Variants in RBM46 observed in about 807,000 individuals in gnomAD.
RBM46 encodes RNA binding motif protein 46, also known as probable RNA-binding protein 46.
In RBM46, 12 loss-of-function variants were observed where a neutral mutation model predicts 43.3. That is an observed-to-expected ratio of 0.28 (90% CI 0.18 to 0.45). The LOEUF (loss-of-function observed/expected upper bound fraction) is 0.45. RBM46 is among the 20% of genes least tolerant of loss of function. The pLI is 1.00. For synonymous variants in RBM46, 205 were observed against 207.6 expected, an observed-to-expected ratio of 0.99 and a Z score of 0.11; for missense variants, 412 against 639.1, an observed-to-expected ratio of 0.64 and a Z score of 3.83.
intron 1 of RBM46, among the ~76,000 whole-genome samples, chr4:154,783,810 A>G (rs2057472696): frequency 6.6e-6 from 1 of 152,212 alleles, no homozygotes; most frequent in Non-Finnish European, 1.5e-5. Context: ...ATGTGCTCTC[A>G]TTCTTTAATA....
chr4:154,783,789 C>G (rs1218743341), intron 1 of RBM46, among the ~76,000 whole-genome samples: 2 of 152,128 alleles, frequency 1.3e-5, no homozygotes, highest in African/African-American at 2.4e-5. Flanking sequence ...TATTTAACTT[C>G]TAGCAATAAA....
rs1320468641 is a variant in RBM46, at chr4:154,819,377, C to T, written c.1403-8491C>T. ...CCTAGCTTCATTTGTCTCTTGGCAC[C>T]TTCTGTTAATTCCCAAGAGGGAGCT... On this transcript the variant is annotated intron_variant, in intron 4 of 4. Transcript: ENST00000281722. 2.0e-5 allele frequency among the ~76,000 whole-genome samples: 3 copies of T among 152,050 alleles called. No homozygotes were observed. The South Asian group carries it at 6.2e-4, about 32-fold the overall frequency.
At chr4:154,826,266 C>T (rs113567871) in intron 4 of RBM46, among the ~76,000 whole-genome samples, 41 of 151,600 alleles carry the variant, frequency 2.7e-4, no homozygotes, top group African/African-American at 9.7e-4. Flanking sequence ...AAGACCAGCC[C>T]GGCCAACATG....
intron 4 of RBM46, among the ~76,000 whole-genome samples, chr4:154,825,483 C>T (rs763130964): frequency 5.3e-5 from 8 of 152,074 alleles, no homozygotes; most frequent in Non-Finnish European, 7.4e-5. Context: ...TTTTGAAATG[C>T]TTGTAAAATC....
intron 4 of RBM46, among the ~76,000 whole-genome samples, chr4:154,817,481 C>T (rs1158706026): frequency 1.3e-5 from 2 of 151,514 alleles, no homozygotes; most frequent in East Asian, 1.9e-4. Flanking sequence ...TACAGGTGCG[C>T]ACACCACACC....
At position 154,828,308 on chromosome 4, in the gene RBM46, CTTT is replaced by C. The variant is rs1431260547; in HGVS notation, c.*244_*246del. The C allele has an allele frequency of 2.5e-6, 1 of 399,184 alleles. No homozygotes were observed. Among genetic ancestry groups the C allele is most frequent in the East Asian group, 4.6e-5 (1 of 21,604 alleles). 24.7% of individuals were successfully genotyped at this position (399,184 alleles called of 1,614,324 possible). On this transcript the variant is annotated 3_prime_UTR_variant, in exon 5 of 5. Coordinates refer to ENST00000281722, the MANE Select transcript of RBM46 (RefSeq NM_144979.5). Reference sequence around the variant, plus strand: ...GATAAAGGTACAGCAAACTACTATTCTTTTTAAACTTCTAGGATTTTCTTCTAC... The same window carrying C: ...GATAAAGGTACAGCAAACTACTATTCTTAAACTTCTAGGATTTTCTTCTAC...
chr4:154,790,727 A>G (rs1734044634), intron 1 of RBM46, among the ~76,000 whole-genome samples: 2 of 152,332 alleles, frequency 1.3e-5, no homozygotes, highest in South Asian at 2.1e-4. Context: ...TTGGACAGAT[A>G]GCTCTTAAGT....
At chr4:154,819,897 A>G (rs980091825) in intron 4 of RBM46, among the ~76,000 whole-genome samples, 1 of 152,076 alleles carries the variant, frequency 6.6e-6, no homozygotes, top group African/African-American at 2.4e-5. Context: ...TAAGTTTAGT[A>G]TTATTTTGGC....
chr4:154,786,338 C>CT (rs1245736907), intron 1 of RBM46, among the ~76,000 whole-genome samples: 1 of 152,028 alleles, frequency 6.6e-6, no homozygotes. Context: ...ATCCACCTGC[C>CT]TCATTCTCCC....
chr4:154,825,311 A>G (rs62327567), intron 4 of RBM46, among the ~76,000 whole-genome samples: 24,770 of 152,130 alleles, frequency 0.16, 2,606 homozygotes, highest in East Asian at 0.44. Context: ...ATATGTTACA[A>G]TAGATCTGAG....
Position 154,797,921 on chromosome 4 carries a change from T to C in RBM46, c.262T>C (p.Tyr88His). ...VPVFERAGKIYEFRLMMEFSG... is the reference protein window; with the variant it reads ...VPVFERAGKIHEFRLMMEFSG... ...TGTATTTGAAAGAGCTGGGAAGATATATGAATTTCGACTTATGATGGAATT... is the reference window on the plus strand; with the variant it reads ...TGTATTTGAAAGAGCTGGGAAGATACATGAATTTCGACTTATGATGGAATT... Residue 88 changes from tyrosine to histidine, a missense_variant, in exon 3 of 5, where the codon TAT (tyrosine) becomes CAT (histidine). Coordinates refer to ENST00000281722, the MANE Select transcript of RBM46 (RefSeq NM_144979.5). The C allele has an allele frequency of 6.2e-7, 1 of 1,613,256 alleles. No homozygotes were observed. The highest frequency in any genetic ancestry group is 8.5e-7 in the Non-Finnish European group (1 of 1,179,722).
intron 1 of RBM46, among the ~76,000 whole-genome samples, chr4:154,786,786 G>C (rs1733792895): frequency 6.6e-6 from 1 of 152,094 alleles, no homozygotes; most frequent in African/African-American, 2.4e-5. Context: ...AATTAGCCAG[G>C]CATGATGGCG....
At chr4:154,797,243 G>C (rs1448799053) in intron 2 of RBM46, among the ~76,000 whole-genome samples, 1 of 152,132 alleles carries the variant, frequency 6.6e-6, no homozygotes, top group Non-Finnish European at 1.5e-5. Flanking sequence ...TAAGTGAGTG[G>C]TGTTTAAACT....
chr4:154,823,482 G>GT (rs902354354), intron 4 of RBM46, among the ~76,000 whole-genome samples: 1 of 151,718 alleles, frequency 6.6e-6, no homozygotes, highest in African/African-American at 2.4e-5. Flanking sequence ...AGTCTAAAGA[G>GT]TATCTAGTCA....
At position 154,786,369 on chromosome 4, in the gene RBM46, G is replaced by A. The variant is rs982300976; in HGVS notation, c.-12+4933G>A. Among the ~76,000 whole-genome samples the A allele has an allele frequency of 8.5e-5, 13 of 152,188 alleles. No individual in the cohort carries two copies. In the South Asian group the frequency reaches 2.3e-3, roughly 27 times the overall value. On this transcript the variant is annotated intron_variant, in intron 1 of 4. Transcript: ENST00000281722. ...CTCCCAAAGTGCTGGGATTACAGGC[G>A]TGAGCCACCGTACCTGGCCAGTCTT...
chr4:154,801,357 T>A (rs1226651845), intron 4 of RBM46, among the ~76,000 whole-genome samples: 3 of 152,188 alleles, frequency 2.0e-5, no homozygotes, highest in Non-Finnish European at 4.4e-5. Context: ...ATTATTAGTT[T>A]GGAGATATTT....
intron 1 of RBM46, among the ~76,000 whole-genome samples, chr4:154,794,835 T>C (rs986270031): frequency 6.6e-6 from 1 of 152,182 alleles, no homozygotes; most frequent in Non-Finnish European, 1.5e-5. Flanking sequence ...CACTGACCCA[T>C]GTGCCCTATT....
chr4:154,827,112 T>C lies in RBM46; in HGVS notation c.1403-756T>C, dbSNP rs138750519. 3.0e-4 allele frequency: 313 copies of C among 1,041,102 alleles called. 1 individual carries two copies. The African/African-American group carries it at 4.9e-3, about 16-fold the overall frequency. 64.5% of individuals were successfully genotyped at this position (1,041,102 alleles called of 1,614,324 possible). A position where few individuals can be genotyped will look rare whatever the true frequency, so the allele number is the denominator to read the frequency against. ...ACACACATATAAATGTTGCAGTTAA[T>C]GAAACAGGAAATTATTGATGCATAA... On this transcript the variant is annotated intron_variant, in intron 4 of 4. Transcript: ENST00000281722.
rs748176184 is a variant in RBM46 at position 154,827,851 on chromosome 4, C to A, written c.1403-17C>A. The A allele has an allele frequency of 4.3e-6, 7 of 1,612,242 alleles. No homozygotes were observed. Among genetic ancestry groups the A allele is most frequent in the East Asian group, 2.2e-5 (1 of 44,852 alleles). On this transcript the variant is annotated splice_polypyrimidine_tract_variant and intron_variant, in intron 4 of 4. Transcript: ENST00000281722. ...CATAAAGATGTACAGCATAATTGTT[C>A]ATGTATTTATTTACAGACTACAATT...
Sources: gnomAD v4.1 joint callset for allele counts (sites outside exome capture counted in the v4.1 genomes callset) on GRCh38, gnomAD v4.1.1 for gene constraint, MANE v1.5 for transcripts, NCBI Gene and HGNC (gene_info 2026-07-23, HGNC 2026-07-21) for gene names.